Variants in NFIA observed in about 807,000 individuals in gnomAD.
NFIA encodes nuclear factor 1 A-type.
Under a neutral mutation model 62.8 loss-of-function variants are expected in NFIA, and 8 were observed. The observed-to-expected ratio is 0.13, with a 90% CI of 0.07 to 0.23. The LOEUF (loss-of-function observed/expected upper bound fraction) is 0.23. NFIA is among the 10% of genes least tolerant of loss of function. NFIA has a pLI of 1.00. For synonymous variants in NFIA, 235 were observed against 238.1 expected (o/e 0.99, Z 0.12); for missense variants, 410 against 642.1 (o/e 0.64, Z 3.91).
At chr1:61,126,800 T>TGAAGACAGAG (rs1646981214) in intron 2 of NFIA, among the ~76,000 whole-genome samples, 1 of 56,450 alleles carries the variant, frequency 1.8e-5, no homozygotes, top group East Asian at 5.9e-4. Context: ...TTTTTTTTTT[T>TGAAGACAGAG]TGAAGACAAA....
At chr1:61,276,120 A>T (rs1657789187) in intron 2 of NFIA, among the ~76,000 whole-genome samples, 1 of 152,190 alleles carries the variant, frequency 6.6e-6, no homozygotes, top group Non-Finnish European at 1.5e-5. Flanking sequence ...ATCTTCTGTT[A>T]TTTAAACCTT....
chr1:61,155,699 C>T (rs1222061033), intron 2 of NFIA, among the ~76,000 whole-genome samples: 1 of 107,744 alleles, frequency 9.3e-6, no homozygotes. Context: ...AAAAAAAAAT[C>T]TAGAGTTGAA....
chr1:61,220,977 T>C (rs1433802190), intron 2 of NFIA, among the ~76,000 whole-genome samples: 1 of 152,210 alleles, frequency 6.6e-6, no homozygotes, highest in Non-Finnish European at 1.5e-5. Context: ...ATCATAGCTT[T>C]AATTCATTGT....
At chr1:61,216,452 C>T (rs1019075189) in intron 2 of NFIA, among the ~76,000 whole-genome samples, 4 of 152,146 alleles carry the variant, frequency 2.6e-5, no homozygotes, top group African/African-American at 9.7e-5. Context: ...TAGATGCAGT[C>T]TCATGGTGGA....
At chr1:61,101,828 G>A (rs145836757) in intron 2 of NFIA, among the ~76,000 whole-genome samples, 76 of 152,310 alleles carry the variant, frequency 5.0e-4, no homozygotes, top group African/African-American at 1.7e-3. Flanking sequence ...CATGTAAGGG[G>A]TCTTATAAGT....
chr1:61,408,693 G>A (rs1197337253), intron 9 of NFIA, among the ~76,000 whole-genome samples: 1 of 152,152 alleles, frequency 6.6e-6, no homozygotes, highest in African/African-American at 2.4e-5. Context: ...GCAGAAGAGT[G>A]GAAATAGTAA....
At position 61,190,522 on chromosome 1, in the gene NFIA, G is replaced by A. The variant is rs903959558; in HGVS notation, c.560-86998G>A. On this transcript the variant is annotated intron_variant, in intron 2 of 10. Coordinates refer to ENST00000403491, the MANE Select transcript of NFIA (RefSeq NM_001134673.4). ...GACACACGTCTTATCCCATTTTTAT[G>A]GTTACATCACAAGAATGATTCACAT... Among the ~76,000 whole-genome samples, 3 of 152,170 alleles carry A rather than the reference G, an allele frequency of 2.0e-5. No homozygotes were observed. The East Asian group carries it at 5.8e-4, about 29-fold the overall frequency.
intron 2 of NFIA, among the ~76,000 whole-genome samples, chr1:61,107,191 G>A (rs1390885184): frequency 2.0e-5 from 3 of 150,816 alleles, no homozygotes; most frequent in Admixed American, 2.0e-4. Flanking sequence ...GACTTAAATT[G>A]TTGAATTACA....
At chr1:61,243,671 G>A (rs1048158265) in intron 2 of NFIA, among the ~76,000 whole-genome samples, 1 of 152,118 alleles carries the variant, frequency 6.6e-6, no homozygotes, top group Non-Finnish European at 1.5e-5. Flanking sequence ...CAAGTTATGA[G>A]TATGTAAGCA....
chr1:61,077,738 C>A, upstream of NFIA: 1 of 732,954 alleles, frequency 1.4e-6, no homozygotes, highest in Non-Finnish European at 2.0e-6. Flanking sequence ...CTCTAGCTCG[C>A]ATATGCACTT....
At chr1:61,404,340 C>A in intron 8 of NFIA, 58 bp downstream of exon 8, 1 of 1,477,276 alleles carries the variant, frequency 6.8e-7, no homozygotes, top group Non-Finnish European at 9.1e-7. Context: ...ATAAAAATAA[C>A]AAGGGGAGAC....
chr1:61,082,560 C>T (rs1317104400), upstream of NFIA: 2 of 1,450,284 alleles, frequency 1.4e-6, no homozygotes, highest in South Asian at 2.8e-5. Flanking sequence ...AAACTCTAGG[C>T]GGGGTTAAAG....
At chr1:61,409,828 G>A (rs896570401) in intron 9 of NFIA, among the ~76,000 whole-genome samples, 1 of 152,180 alleles carries the variant, frequency 6.6e-6, no homozygotes, top group Non-Finnish European at 1.5e-5. Flanking sequence ...AGGGTGGGGT[G>A]GTAGGGACTA....
At chr1:61,091,540 C>G (rs1035851105) in intron 2 of NFIA, among the ~76,000 whole-genome samples, 9 of 152,046 alleles carry the variant, frequency 5.9e-5, no homozygotes, top group African/African-American at 1.7e-4. Context: ...GTTAAAAGAA[C>G]AAAACCATTT....
At chr1:61,298,807 C>A (rs1344561040) in intron 3 of NFIA, among the ~76,000 whole-genome samples, 1 of 152,112 alleles carries the variant, frequency 6.6e-6, no homozygotes, top group Non-Finnish European at 1.5e-5. Context: ...GATTTTTATA[C>A]TTCATTGCCC....
chr1:61,199,762 A>C (rs1226265439), intron 2 of NFIA, among the ~76,000 whole-genome samples: 1 of 151,680 alleles, frequency 6.6e-6, no homozygotes, highest in East Asian at 1.9e-4. Context: ...TGGGAGGCCG[A>C]GGTAGGTGGG....
intron 2 of NFIA, among the ~76,000 whole-genome samples, chr1:61,145,950 T>G (rs1269829504): frequency 6.6e-6 from 1 of 152,176 alleles, no homozygotes; most frequent in African/African-American, 2.4e-5. Flanking sequence ...CTGTAAAAAA[T>G]CAACATGAAC....
At chr1:61,256,266 C>A (rs1384129391) in intron 2 of NFIA, among the ~76,000 whole-genome samples, 2 of 151,826 alleles carry the variant, frequency 1.3e-5, no homozygotes, top group African/African-American at 4.8e-5. Flanking sequence ...AACCCCATCT[C>A]TACTAAAAAT....
chr1:61,146,275 C>G (rs188808338), intron 2 of NFIA, among the ~76,000 whole-genome samples: 2 of 152,218 alleles, frequency 1.3e-5, no homozygotes, highest in South Asian at 2.1e-4. Flanking sequence ...TCAACTTGAT[C>G]ACAGCTGCAG....
Sources: allele counts gnomAD v4.1 joint callset (sites outside exome capture counted in the v4.1 genomes callset), GRCh38; gene constraint gnomAD v4.1.1; transcripts MANE v1.5; gene names NCBI Gene and HGNC (gene_info 2026-07-23, HGNC 2026-07-21).